The following ZNF416 variants were observed in gnomAD, a reference collection of about 807,000 sequenced individuals.
ZNF416 encodes the protein zinc finger protein 416.
A neutral mutation model predicts 10.9 loss-of-function variants in ZNF416; 5 were observed. The observed-to-expected ratio is 0.46, with a 90% CI of 0.24 to 0.97. ZNF416 has a LOEUF of 0.97. ZNF416 is among the 50% of genes least tolerant of loss of function. ZNF416 has a pLI of 0.19. For missense variants in ZNF416, 675 were observed against 715.0 expected (o/e 0.94, Z 0.64); for synonymous variants, 267 against 251.8 (o/e 1.06, Z -0.57).
chr19:57,577,242 A>G (rs902497456), intron 2 of ZNF416, among the ~76,000 whole-genome samples: 8 of 151,808 alleles, frequency 5.3e-5, no homozygotes, highest in Non-Finnish European at 1.0e-4. Flanking sequence ...CTCAGACTCT[A>G]AAAGATGTCC....
In ZNF416 at chr19:57,572,021, G is replaced by A. The variant is rs1350787233; in HGVS notation, c.*98C>T. On this transcript the variant is annotated 3_prime_UTR_variant, in exon 4 of 4. Coordinates refer to ENST00000196489, the MANE Select transcript of ZNF416 (RefSeq NM_017879.3). This position sits in a 1 kb window ranked among gnomAD's most constrained non-coding sequence, Gnocchi z 4.5. Reference sequence around the variant, plus strand: ...TATGAGGTTTAACTTTAGGCAGACGGCTCCTTCACAAAGGCTCTCTATAGC... The same window carrying A: ...TATGAGGTTTAACTTTAGGCAGACGACTCCTTCACAAAGGCTCTCTATAGC... The A allele has an allele frequency of 1.4e-6, 2 of 1,465,182 alleles. No homozygotes were observed. Among genetic ancestry groups the A allele is most frequent in the East Asian group, 4.6e-5 (2 of 43,840 alleles). The allele number at this position is 1,465,182 out of a possible 1,614,324, so 90.8% of individuals were successfully genotyped here.
In ZNF416 at chr19:57,578,663, A is replaced by T. The variant is rs1438854451; in HGVS notation, c.33+9T>A. 1 of 1,552,448 alleles carries T rather than the reference A, an allele frequency of 6.4e-7. No individual in the cohort carries two copies. Among genetic ancestry groups the T allele is most frequent in the Non-Finnish European group, 8.7e-7 (1 of 1,150,834 alleles). ...AGGGCAGGTGAGGCCCGGGAGACGC[A>T]GCACTCACCGAAGTCGAATCCCTAA... On this transcript the variant is annotated intron_variant, in intron 1 of 3. Transcript: ENST00000196489.
chr19:57,578,325 G>A (rs543351306), intron 1 of ZNF416: 9 of 598,478 alleles, frequency 1.5e-5, no homozygotes, highest in Admixed American at 5.9e-5. Context: ...CCAACTCTGA[G>A]TAACTTTAGA....
intron 1 of ZNF416, 25 bp downstream of exon 1, chr19:57,578,647 G>A (rs1394144873): frequency 6.5e-7 from 1 of 1,541,286 alleles, no homozygotes; most frequent in Non-Finnish European, 8.7e-7. Flanking sequence ...GAGGGCAGGT[G>A]AGGCCCGGGA....
In ZNF416 at chr19:57,572,686, T is replaced by C. The variant is rs754031914; in HGVS notation, c.1218A>G (p.Thr406=). The C allele has an allele frequency of 1.2e-6, 2 of 1,614,204 alleles. No homozygotes were observed. The highest frequency in any genetic ancestry group is 2.2e-5 in the East Asian group (1 of 44,878). ...ACTGGCCACACTCATAAGGCCTTGCTGTAGTGTGAATTCTCTGGTGTACAA... is the reference window on the plus strand; with the variant it reads ...ACTGGCCACACTCATAAGGCCTTGCCGTAGTGTGAATTCTCTGGTGTACAA... ...SLVVHQRIHT[T]ARPYECGQCG... Residue 406 remains threonine, a synonymous_variant, in exon 4 of 4, where the codon ACA becomes ACG. Coordinates refer to ENST00000196489, the MANE Select transcript of ZNF416 (RefSeq NM_017879.3). This position sits in a 1 kb window ranked among gnomAD's most constrained non-coding sequence, Gnocchi z 4.5.
rs1568606850 is a variant in ZNF416 at position 57,573,253 on chromosome 19, C to T, written c.651G>A (p.Trp217Ter). The part of the protein sequence containing the change: ...AFHVGISHYK[W>*]SQCRRESSHK... The stretch of plus-strand genomic sequence containing the variant: ...GGCTGGACTCTCTCCTGCATTGACT[C>T]CACTTGTAATGACTTATTCCAACAT... Residue 217 changes from tryptophan to a stop codon, truncating the protein, a stop_gained, in exon 4 of 4, where the codon TGG becomes TGA. Coordinates refer to ENST00000196489, the MANE Select transcript of ZNF416 (RefSeq NM_017879.3). LOFTEE classifies it low-confidence loss of function (END_TRUNC). 5 of 1,614,232 alleles carry T rather than the reference C, an allele frequency of 3.1e-6. No individual in the cohort carries two copies. In the South Asian group the frequency reaches 3.3e-5, roughly 11 times the overall value.
At chr19:57,573,820 G>C in intron 3 of ZNF416, 119 bp from the exon 4 acceptor site, 1 of 1,312,212 alleles carries the variant, frequency 7.6e-7, no homozygotes, top group Non-Finnish European at 1.0e-6. Flanking sequence ...TTGCTGGCCT[G>C]AGCTCAGGAG....
In ZNF416 at chr19:57,571,957, G is replaced by A; in HGVS notation, c.*162C>T. 1 of 848,452 alleles carries A rather than the reference G, an allele frequency of 1.2e-6. No individual in the cohort carries two copies. Among genetic ancestry groups the A allele is most frequent in the Non-Finnish European group, 1.8e-6 (1 of 545,438 alleles). The allele number at this position is 848,452 out of a possible 1,614,324, so 52.6% of individuals were successfully genotyped here. A position where few individuals can be genotyped will look rare whatever the true frequency, so the allele number is the denominator to read the frequency against. On this transcript the variant is annotated 3_prime_UTR_variant, in exon 4 of 4. Coordinates refer to ENST00000196489, the MANE Select transcript of ZNF416 (RefSeq NM_017879.3). ...GAGCTCCTGCAAGACACATATGCCT[G>A]GAACTAATGGGAGTCTGACCCATCG...
intron 3 of ZNF416, among the ~76,000 whole-genome samples, chr19:57,574,319 T>C (rs1978447039): frequency 6.6e-6 from 1 of 152,208 alleles, no homozygotes; most frequent in Non-Finnish European, 1.5e-5. Flanking sequence ...CTGTTTATTA[T>C]GTCTTGTGTT....
chr19:57,577,171 G>A (rs895662918), intron 2 of ZNF416, among the ~76,000 whole-genome samples: 1 of 152,086 alleles, frequency 6.6e-6, no homozygotes, highest in Non-Finnish European at 1.5e-5. Flanking sequence ...CCTCAACACA[G>A]TTCTAGTCCT....
In ZNF416 at chr19:57,575,840, C is replaced by T; in HGVS notation, c.166G>A (p.Val56Met). The T allele has an allele frequency of 6.2e-7, 1 of 1,614,136 alleles. No individual in the cohort carries two copies. The change falls in exon 3 of 4, where the codon GTG (valine) becomes ATG (methionine). Residue 56 changes from valine (V) to methionine (M), a missense_variant. Coordinates refer to ENST00000196489, the MANE Select transcript of ZNF416 (RefSeq NM_017879.3). This position sits in a 1 kb window ranked among gnomAD's most constrained non-coding sequence, Gnocchi z 4.4. ...DEAQRLLYRD[V>M]MLENFALITA... ...ATAAGTGCAAAGTTCTCCAGCATCACATCGCGGTACAGGAGCCTCTGAGCC... is the reference window on the plus strand; with the variant it reads ...ATAAGTGCAAAGTTCTCCAGCATCATATCGCGGTACAGGAGCCTCTGAGCC...
chr19:57,573,144 C>CA lies in ZNF416; in HGVS notation c.759dup (p.Glu254Ter), dbSNP rs748472325. 1 of 1,614,202 alleles carries CA rather than the reference C, an allele frequency of 6.2e-7. No individual in the cohort carries two copies. The highest frequency in any genetic ancestry group is 8.5e-7 in the Non-Finnish European group (1 of 1,180,020). ...CTTTGCAGCTGAACAAGGGAGCACT[C>CA]ACAGCAGCAGGCTTTCCCACATTTG... On this transcript the variant is annotated frameshift_variant, in exon 4 of 4. Transcript: ENST00000196489. LOFTEE classifies it low-confidence loss of function (END_TRUNC).
Position 57,573,110 on chromosome 19 carries a change from G to C in ZNF416, c.794C>G (p.Pro265Arg), listed in dbSNP as rs1378284417. 1 of 1,614,114 alleles carries C rather than the reference G, an allele frequency of 6.2e-7. No homozygotes were observed. Among genetic ancestry groups the C allele is most frequent in the African/African-American group, 1.3e-5 (1 of 74,934 alleles). ...ACTGCACTCATAAGGCCTTTCTCCA[G>C]GGTGGACTCTTTGCAGCTGAACAAG... ...CSLVQLQRVHPGERPYECSEC... is the reference protein window; with the variant it reads ...CSLVQLQRVHRGERPYECSEC... Residue 265 changes from proline to arginine, a missense_variant, in exon 4 of 4, where the codon CCT (proline) becomes CGT (arginine). Coordinates refer to ENST00000196489, the MANE Select transcript of ZNF416 (RefSeq NM_017879.3).
chr19:57,572,246 C>A lies in ZNF416; in HGVS notation c.1658G>T (p.Gly553Val), dbSNP rs753122038. The change falls in exon 4 of 4, where the codon GGC becomes GTC. Residue 553 changes from glycine (G) to valine (V), a missense_variant. Physicochemically the swap from Gly to Val is moderately radical, Grantham distance 109. Coordinates refer to ENST00000196489, the MANE Select transcript of ZNF416 (RefSeq NM_017879.3). The surrounding 1 kb of genome is among the most constrained non-coding windows in gnomAD (Gnocchi z 4.5). Reference sequence around the variant, plus strand: ...TTGTGTAAAGGACTTCCCACATTTGCCACACTCATATGGCCTTTCTCCTGT... The same window carrying A: ...TTGTGTAAAGGACTTCCCACATTTGACACACTCATATGGCCTTTCTCCTGT... ...VHTGERPYECGKCGKSFTQHS... is the reference protein window; with the variant it reads ...VHTGERPYECVKCGKSFTQHS... 6 of 1,614,054 alleles carry A rather than the reference C, an allele frequency of 3.7e-6. No individual in the cohort carries two copies. Among genetic ancestry groups the A allele is most frequent in the East Asian group, 2.2e-5 (1 of 44,888 alleles).
chr19:57,578,227 C>T (rs1475476190), intron 1 of ZNF416, 129 bp from the exon 2 acceptor site: 1 of 892,418 alleles, frequency 1.1e-6, no homozygotes, highest in Non-Finnish European at 1.8e-6. Context: ...TATTGCTCCT[C>T]AGTTCCGTGT....
At position 57,572,324 on chromosome 19, in the gene ZNF416, C is replaced by T; in HGVS notation, c.1580G>A (p.Cys527Tyr). The change falls in exon 4 of 4, where the codon TGC becomes TAC. Residue 527 changes from cysteine (C) to tyrosine (Y), a missense_variant. Transcript: ENST00000196489. This position sits in a 1 kb window ranked among gnomAD's most constrained non-coding sequence, Gnocchi z 4.5. ...AGACTTTTGGATAAAGGATTTCCCG[C>T]ACTGTCCACAGTCGTAAGGCCTTAA... is the stretch of plus-strand genomic sequence containing the variant. The part of the protein sequence containing the change: ...TGLRPYDCGQ[C>Y]GKSFIQKSSL... 1 of 1,614,156 alleles carries T rather than the reference C, an allele frequency of 6.2e-7. No individual in the cohort carries two copies. Among genetic ancestry groups the T allele is most frequent in the Non-Finnish European group, 8.5e-7 (1 of 1,180,028 alleles).
At position 57,572,830 on chromosome 19, in the gene ZNF416, T is replaced by C. The variant is rs979497432; in HGVS notation, c.1074A>G (p.Glu358=). ...HTGERPYECD[E]CGKAFGSKST... Reference sequence around the variant, plus strand: ...ATTTGGACCCAAAGGCTTTTCCACATTCATCACACTCATAAGGCCTTTCTC... The same window carrying C: ...ATTTGGACCCAAAGGCTTTTCCACACTCATCACACTCATAAGGCCTTTCTC... Residue 358 remains glutamate (E), a synonymous_variant, in exon 4 of 4, where the codon GAA becomes GAG. Transcript: ENST00000196489. The surrounding 1 kb of genome is among the most constrained non-coding windows in gnomAD (Gnocchi z 4.5). 6.2e-7 allele frequency: 1 copy of C among 1,614,024 alleles called. No homozygotes were observed. Among genetic ancestry groups the C allele is most frequent in the Non-Finnish European group, 8.5e-7 (1 of 1,179,884 alleles).
Position 57,578,706 on chromosome 19 carries a change from G to A in ZNF416, c.-2C>T. ...ATCCCTAAGCACGGCCGCCGCCATCGGATTGTGAGCGGAGCGGGGCCGGGA... is the reference window on the plus strand; with the variant it reads ...ATCCCTAAGCACGGCCGCCGCCATCAGATTGTGAGCGGAGCGGGGCCGGGA... On this transcript the variant is annotated 5_prime_UTR_variant, in exon 1 of 4. Transcript: ENST00000196489. The A allele has an allele frequency of 1.3e-6, 2 of 1,540,326 alleles. No homozygotes were observed. The highest frequency in any genetic ancestry group is 1.2e-5 in the South Asian group (1 of 82,508).
Position 57,578,341 on chromosome 19 carries a change from T to A in ZNF416, c.34-243A>T, listed in dbSNP as rs199954911. ...CAACTCTGAGTAACTTTAGAAAAAA[T>A]TTGAAAAGTCTAACTCAGACCATGT... On this transcript the variant is annotated intron_variant, in intron 1 of 3. Coordinates refer to ENST00000196489, the MANE Select transcript of ZNF416 (RefSeq NM_017879.3). 8.1e-5 allele frequency: 48 copies of A among 594,316 alleles called. No homozygotes were observed. The South Asian group carries it at 8.1e-4, about 10-fold the overall frequency. 36.8% of individuals were successfully genotyped at this position (594,316 alleles called of 1,614,324 possible).
Sources: gnomAD v4.1 joint callset for allele counts (sites outside exome capture counted in the v4.1 genomes callset) on GRCh38, gnomAD v4.1.1 for gene constraint, Gnocchi (gnomAD v3.1) non-coding constraint, MANE v1.5 for transcripts, NCBI Gene and HGNC (gene_info 2026-07-23, HGNC 2026-07-21) for gene names.